The following PRELID2 variants were observed in gnomAD, a reference collection of about 807,000 sequenced individuals.
PRELID2 encodes the protein PRELI domain-containing protein 2.
PRELID2 carries 25 observed loss-of-function variants against 28.4 expected under a neutral mutation model. The ratio of observed to expected loss-of-function variants is 0.88; its 90% CI spans 0.64 to 1.23. The LOEUF is 1.23. Among genes scored for constraint, PRELID2 ranks in the 50% most tolerant of loss-of-function variants. The probability of loss-of-function intolerance (pLI) is 0.00; values close to 1 mark genes in which losing one functional copy is unlikely to be tolerated. For missense variants in PRELID2, 201 were observed against 214.4 expected, an observed-to-expected ratio of 0.94 and a Z score of 0.39; for synonymous variants, 76 against 71.6, an observed-to-expected ratio of 1.06 and a Z score of -0.31.
At position 145,756,770 on chromosome 5, in the gene PRELID2, C is replaced by T. The variant is rs954754199; in HGVS notation, c.*3766G>A. ...TCAAATCCTCTCTACTCTTATTCAA[C>T]ATATAGTATGCAGTTACACAATTTC... On this transcript the variant is annotated 3_prime_UTR_variant, in exon 7 of 7. Coordinates refer to ENST00000683046, the MANE Select transcript of PRELID2 (RefSeq NM_205846.3). Among the ~76,000 whole-genome samples, 4 of 152,122 alleles carry T rather than the reference C, an allele frequency of 2.6e-5. No homozygotes were observed. The highest frequency in any genetic ancestry group is 2.6e-4 in the Admixed American group (4 of 15,266).
chr5:145,641,309 G>C (rs1330548912), intron 1 of PRELID2, among the ~76,000 whole-genome samples: 5 of 151,964 alleles, frequency 3.3e-5, no homozygotes, highest in African/African-American at 9.7e-5. Context: ...AAAAAAGAGA[G>C]AAATAGGTAA....
chr5:145,608,728 C>T (rs535942592), intron 1 of PRELID2, among the ~76,000 whole-genome samples: 4 of 152,216 alleles, frequency 2.6e-5, no homozygotes, highest in Non-Finnish European at 5.9e-5. Flanking sequence ...TAGGGATGGT[C>T]ATCTTGTATA....
At chr5:145,788,974 A>G (rs1752186926) in intron 5 of PRELID2, among the ~76,000 whole-genome samples, 1 of 152,198 alleles carries the variant, frequency 6.6e-6, no homozygotes, top group African/African-American at 2.4e-5. Context: ...CTACACTGAA[A>G]AGTATAAAAC....
chr5:145,506,721 T>A (rs1752414583), intron 1 of PRELID2, among the ~76,000 whole-genome samples: 1 of 152,154 alleles, frequency 6.6e-6, no homozygotes, highest in South Asian at 2.1e-4. Context: ...GGTAGATATA[T>A]AATCCTATTA....
intron 1 of PRELID2, among the ~76,000 whole-genome samples, chr5:145,675,353 G>A (rs550857537): frequency 7.8e-4 from 119 of 152,190 alleles, no homozygotes; most frequent in African/African-American, 2.7e-3. Context: ...TATTCACTCA[G>A]AATGACAAAA....
intron 4 of PRELID2, among the ~76,000 whole-genome samples, chr5:145,803,081 T>G (rs566911616): frequency 2.6e-5 from 4 of 152,192 alleles, no homozygotes; most frequent in Non-Finnish European, 5.9e-5. Flanking sequence ...ACAGATACTC[T>G]TGTTGTGATG....
intron 1 of PRELID2, among the ~76,000 whole-genome samples, chr5:145,509,766 A>C (rs1561496415): frequency 1.3e-5 from 2 of 152,150 alleles, no homozygotes; most frequent in African/African-American, 2.4e-5. Context: ...TCTTCCTTTT[A>C]ATATTGAGGA....
intron 1 of PRELID2, chr5:145,826,125 G>A: frequency 1.0e-6 from 1 of 985,412 alleles, no homozygotes. Flanking sequence ...AGCAGCTACT[G>A]TGTTCACGCA....
intron 1 of PRELID2, among the ~76,000 whole-genome samples, chr5:145,827,728 C>G (rs1441173573): frequency 6.6e-6 from 1 of 152,186 alleles, no homozygotes; most frequent in Non-Finnish European, 1.5e-5. Flanking sequence ...TAAAGATACA[C>G]TACAAATAAC....
chr5:145,673,175 G>A (rs1404383035), intron 1 of PRELID2, among the ~76,000 whole-genome samples: 1 of 152,144 alleles, frequency 6.6e-6, no homozygotes, highest in African/African-American at 2.4e-5. Context: ...TGCCCAATAT[G>A]CCTCTTCCAA....
chr5:145,436,492 T>C, the PRELID2 span, among the ~76,000 whole-genome samples: 1 of 152,212 alleles, frequency 6.6e-6, no homozygotes, highest in African/African-American at 2.4e-5. Context: ...CTAATTTCTT[T>C]AGAAATTGCT....
At chr5:145,695,169 T>C (rs140762180) in intron 1 of PRELID2, among the ~76,000 whole-genome samples, 1 of 152,296 alleles carries the variant, frequency 6.6e-6, no homozygotes, top group East Asian at 1.9e-4. Flanking sequence ...AACAAACAGG[T>C]ACAGGGAGGG....
intron 1 of PRELID2, among the ~76,000 whole-genome samples, chr5:145,551,088 T>C (rs1388825616): frequency 6.6e-6 from 1 of 152,154 alleles, no homozygotes; most frequent in Non-Finnish European, 1.5e-5. Context: ...ATTTATTATT[T>C]GTAGTTAGAG....
chr5:145,600,434 A>ATATAT (rs1554078383), intron 1 of PRELID2, among the ~76,000 whole-genome samples: 80 of 120,096 alleles, frequency 6.7e-4, no homozygotes, highest in African/African-American at 3.0e-3. Flanking sequence ...AAAAAAAAAA[A>ATATAT]ATATATATAT....
chr5:145,774,850 C>A (rs1437782189), intron 5 of PRELID2, among the ~76,000 whole-genome samples: 1 of 152,214 alleles, frequency 6.6e-6, no homozygotes, highest in African/African-American at 2.4e-5. Flanking sequence ...ACATTACATG[C>A]CTTCACCCTC....
At chr5:145,785,616 T>A (rs985424968) in intron 5 of PRELID2, among the ~76,000 whole-genome samples, 4 of 152,180 alleles carry the variant, frequency 2.6e-5, no homozygotes, top group Admixed American at 6.5e-5. Context: ...AAGGCTTTGA[T>A]TATTAGCACA....
chr5:145,817,438 T>TATATATATATATATAA lies in PRELID2; in HGVS notation c.368+455_368+456insTTATATATATATATAT, dbSNP rs1424110806. ...AGCTAGTTTTATATATATATATATA[T>TATATATATATATATAA]ATATATATATCACATGGTTTAAGCT... On this transcript the variant is annotated intron_variant, in intron 4 of 6. Transcript: ENST00000683046. Among the ~76,000 whole-genome samples, 93 of 139,258 alleles carry TATATATATATATATAA rather than the reference T, an allele frequency of 6.7e-4. 2 individuals are homozygous for TATATATATATATATAA. Among genetic ancestry groups the TATATATATATATATAA allele is most frequent in the Non-Finnish European group, 1.4e-3 (87 of 63,718 alleles). The allele number at this position is 139,258 out of a possible 152,430, so 91.4% of individuals were successfully genotyped here. A position where few individuals can be genotyped will look rare whatever the true frequency, so the allele number is the denominator to read the frequency against.
the PRELID2 span, among the ~76,000 whole-genome samples, chr5:145,410,312 G>A: frequency 6.6e-6 from 1 of 152,060 alleles, no homozygotes; most frequent in African/African-American, 2.4e-5. Context: ...TAAATCAATG[G>A]GACTTAATTA....
At chr5:145,664,962 C>T (rs1259240608) in intron 1 of PRELID2, among the ~76,000 whole-genome samples, 1 of 152,036 alleles carries the variant, frequency 6.6e-6, no homozygotes, top group Admixed American at 6.6e-5. Context: ...CTTCCTATCC[C>T]ATTAAAAGTA....
Sources: gnomAD v4.1 joint callset for allele counts (sites outside exome capture counted in the v4.1 genomes callset) on GRCh38, gnomAD v4.1.1 for gene constraint, MANE v1.5 for transcripts, NCBI Gene and HGNC (gene_info 2026-07-23, HGNC 2026-07-21) for gene names.